P4HA3: variants seen among roughly 807,000 people sequenced by gnomAD.
P4HA3 encodes prolyl 4-hydroxylase subunit alpha-3.
Under a neutral mutation model 66.7 loss-of-function variants are expected in P4HA3, and 60 were observed. The ratio of observed to expected loss-of-function variants is 0.90; its 90% confidence interval spans 0.73 to 1.12. P4HA3 has a LOEUF of 1.12. Among genes scored for constraint, P4HA3 ranks in the 50% most tolerant of loss-of-function variants. The probability of loss-of-function intolerance (pLI) is 0.00; values close to 1 mark genes in which losing one functional copy is unlikely to be tolerated. For missense variants in P4HA3, 683 were observed against 685.8 expected (o/e 1.00, Z 0.05); for synonymous variants, 263 against 274.6 (o/e 0.96, Z 0.42).
chr11:74,306,316 T>C (rs1409636978), intron 1 of P4HA3, among the ~76,000 whole-genome samples: 2 of 152,122 alleles, frequency 1.3e-5, no homozygotes, highest in Admixed American at 1.3e-4. Context: ...CCTTCAACAG[T>C]GTTTATATAG....
rs561717926 is a variant in P4HA3, at chr11:74,293,677, A to G, written c.717+4535T>C. On this transcript the variant is annotated intron_variant, in intron 4 of 12. Transcript: ENST00000331597. ...AACCTCCCAGCATTTGCTTGTCTGT[A>G]AAGGATTTTATTTCTCCTTCACTTA... Among the ~76,000 whole-genome samples the G allele has an allele frequency of 5.1e-4, 78 of 152,276 alleles. 1 individual carries two copies. In the South Asian group the frequency reaches 0.016, roughly 31 times the overall value.
chr11:74,311,617 G>C lies in P4HA3; in HGVS notation c.-6C>G, dbSNP rs770074239. 2.6e-5 allele frequency: 39 copies of C among 1,495,136 alleles called. No individual in the cohort carries two copies. The highest frequency in any genetic ancestry group is 3.2e-5 in the Non-Finnish European group (36 of 1,134,034). The allele number at this position is 1,495,136 out of a possible 1,614,324, so 92.6% of individuals were successfully genotyped here. ...AGCCGCGCCCCAGGACCCATAGCCA[G>C]CGCTCGCGAACTTCCCCTCAGACAG... On this transcript the variant is annotated 5_prime_UTR_variant, in exon 1 of 13. Coordinates refer to ENST00000331597, the MANE Select transcript of P4HA3 (RefSeq NM_182904.5).
downstream of P4HA3, among the ~76,000 whole-genome samples, chr11:74,262,833 T>A (rs986628100): frequency 6.6e-6 from 1 of 152,190 alleles, no homozygotes; most frequent in African/African-American, 2.4e-5. Context: ...ACTCTTTCAG[T>A]GGTTCCATGA....
downstream of P4HA3, among the ~76,000 whole-genome samples, chr11:74,264,086 AG>A (rs373890842): frequency 6.6e-6 from 1 of 152,230 alleles, no homozygotes; most frequent in African/African-American, 2.4e-5. Context: ...ATACAGAATT[AG>A]GCAAACATAA....
intron 15 of P4HA3, chr11:74,251,368 C>T (rs1427363498): frequency 7.4e-5 from 101 of 1,357,902 alleles, no homozygotes; most frequent in Admixed American, 3.2e-5. Context: ...TTAATATGGG[C>T]TCCTCCTGTG....
chr11:74,287,101 C>A, intron 5 of P4HA3: 1 of 1,179,544 alleles, frequency 8.5e-7, no homozygotes, highest in South Asian at 1.6e-5. Context: ...AATCTTGTGT[C>A]TTGTTTGTGC....
chr11:74,303,103 C>T (rs1375954876), intron 2 of P4HA3, among the ~76,000 whole-genome samples: 1 of 151,936 alleles, frequency 6.6e-6, no homozygotes, highest in African/African-American at 2.4e-5. Flanking sequence ...AGGCACACGC[C>T]ATCACATCCA....
At chr11:74,289,008 A>G in intron 5 of P4HA3, 71 bp downstream of exon 5, 1 of 1,161,186 alleles carries the variant, frequency 8.6e-7, no homozygotes. Flanking sequence ...GCAGGAATTA[A>G]AGGCCAGGAG....
At chr11:74,266,578 T>C (rs968803752), downstream of P4HA3, 14 of 164,332 alleles carry the variant, frequency 8.5e-5, no homozygotes, top group African/African-American at 3.1e-4. Context: ...GGGGAACACA[T>C]GGATGTGGAG....
At chr11:74,302,708 T>C in intron 2 of P4HA3, 116 bp from the exon 3 acceptor site, 1 of 993,090 alleles carries the variant, frequency 1.0e-6, no homozygotes, top group East Asian at 2.6e-5. Context: ...TGGATTTGTC[T>C]TTGTGTTCCC....
intron 10 of P4HA3, among the ~76,000 whole-genome samples, chr11:74,273,160 A>C (rs1310104047): frequency 6.6e-6 from 1 of 152,138 alleles, no homozygotes. Flanking sequence ...ACAGCCCCAC[A>C]ACCTCATCTA....
intron 15 of P4HA3, among the ~76,000 whole-genome samples, chr11:74,256,479 A>G (rs1269021823): frequency 6.6e-6 from 1 of 152,220 alleles, no homozygotes; most frequent in Non-Finnish European, 1.5e-5. Context: ...CCAGAGTGGC[A>G]GCATCTTTGT....
intron 11 of P4HA3, 151 bp downstream of exon 11, chr11:74,269,501 C>G (rs1353529676): frequency 1.4e-6 from 1 of 721,066 alleles, no homozygotes; most frequent in Non-Finnish European, 2.2e-6. Context: ...GTAAAGAAGA[C>G]TATGGGATGA....
intron 1 of P4HA3, 114 bp from the exon 2 acceptor site, chr11:74,304,526 G>C: frequency 8.0e-7 from 1 of 1,247,794 alleles, no homozygotes; most frequent in Non-Finnish European, 1.1e-6. Context: ...TGAACCTCTT[G>C]AGATTCACAT....
intron 2 of P4HA3, among the ~76,000 whole-genome samples, chr11:74,302,902 TC>T (rs1436126559): frequency 1.3e-5 from 2 of 152,136 alleles, no homozygotes; most frequent in Admixed American, 1.3e-4. Flanking sequence ...TTTCTTTTTT[TC>T]TTTTTCTTTT....
intron 5 of P4HA3, chr11:74,287,407 C>T: frequency 9.2e-7 from 1 of 1,082,994 alleles, no homozygotes; most frequent in South Asian, 1.3e-5. Flanking sequence ...TATTGCAAAG[C>T]CGGAAATAAA....
chr11:74,272,196 G>A (rs1017484171), intron 10 of P4HA3, among the ~76,000 whole-genome samples: 7 of 134,642 alleles, frequency 5.2e-5, no homozygotes, highest in African/African-American at 1.8e-4. Context: ...ATGTGAAAGT[G>A]CATGAGAGTG....
At chr11:74,272,722 A>G (rs1051675189) in intron 10 of P4HA3, among the ~76,000 whole-genome samples, 3 of 152,240 alleles carry the variant, frequency 2.0e-5, no homozygotes, top group African/African-American at 7.2e-5. Flanking sequence ...CTGCTATTCT[A>G]ATGAGGCTGA....
chr11:74,252,745 GA>G (rs1180036598), intron 15 of P4HA3, among the ~76,000 whole-genome samples: 1 of 152,152 alleles, frequency 6.6e-6, no homozygotes, highest in Non-Finnish European at 1.5e-5. Flanking sequence ...TGCCTCAAGG[GA>G]GGCAAAAATT....
Sources: gnomAD v4.1 joint callset for allele counts (sites outside exome capture counted in the v4.1 genomes callset) on GRCh38, gnomAD v4.1.1 for gene constraint, MANE v1.5 for transcripts, NCBI Gene and HGNC (gene_info 2026-07-23, HGNC 2026-07-21) for gene names.